Variants in RDX observed in about 807,000 individuals in gnomAD.
RDX encodes radixin, also known as deafness, autosomal recessive 24.
Under a neutral mutation model 83.7 loss-of-function variants are expected in RDX, and 32 were observed. The observed-to-expected ratio is 0.38, with a 90% CI of 0.29 to 0.51. The LOEUF is 0.51. RDX is among the 20% of genes least tolerant of loss of function. The pLI, the probability that RDX is intolerant of heterozygous loss-of-function variation, is 0.87. For synonymous variants in RDX, 229 were observed against 222.7 expected, an observed-to-expected ratio of 1.03 and a Z score of -0.25; for missense variants, 600 against 689.9, an observed-to-expected ratio of 0.87 and a Z score of 1.46.
intron 14 of RDX, among the ~76,000 whole-genome samples, chr11:110,205,471 G>C (rs1233707587): frequency 2.0e-5 from 2 of 101,124 alleles, no homozygotes; most frequent in Admixed American, 1.8e-4. Flanking sequence ...AAAAGCCAAA[G>C]AGACAAGGTA....
At chr11:110,235,041 C>T (rs548613462) in intron 12 of RDX, among the ~76,000 whole-genome samples, 1 of 152,078 alleles carries the variant, frequency 6.6e-6, no homozygotes, top group Non-Finnish European at 1.5e-5. Flanking sequence ...GTTTCATCTA[C>T]TTAGGACTCA....
chr11:110,244,102 A>T (rs904875876), intron 10 of RDX, among the ~76,000 whole-genome samples: 9 of 152,180 alleles, frequency 5.9e-5, no homozygotes, highest in Non-Finnish European at 1.2e-4. Context: ...TGGAAACAAT[A>T]AAAAACATCA....
rs189575828 is a variant in RDX, at chr11:110,224,227, A to C, written c.1748+7646T>G. Among the ~76,000 whole-genome samples, 66 of 151,824 alleles carry C rather than the reference A, an allele frequency of 4.3e-4. No individual in the cohort carries two copies. In the East Asian group the frequency reaches 0.011, roughly 26 times the overall value. On this transcript the variant is annotated intron_variant, in intron 14 of 15. Transcript: ENST00000528498. ...ACTGTTTATATATATATATTAAAAA[A>C]AAAAAACAAAAAAACAAAACCCTTC...
chr11:110,205,225 T>C (rs1299847393), intron 14 of RDX, among the ~76,000 whole-genome samples: 1 of 152,004 alleles, frequency 6.6e-6, no homozygotes, highest in African/African-American at 2.4e-5. Context: ...CTTCATACCA[T>C]GCACAAAAGT....
At chr11:110,198,923 C>A (rs1349493649) in intron 15 of RDX, among the ~76,000 whole-genome samples, 2 of 151,444 alleles carry the variant, frequency 1.3e-5, no homozygotes, top group African/African-American at 2.4e-5. Context: ...TCAAGCAATT[C>A]TTCTGCCTTA....
chr11:110,234,616 A>G (rs1003475036), intron 12 of RDX, among the ~76,000 whole-genome samples: 4 of 152,194 alleles, frequency 2.6e-5, no homozygotes, highest in African/African-American at 9.6e-5. Flanking sequence ...CACAGACTTG[A>G]TATCTGTAAT....
Position 110,237,672 on chromosome 11 carries a change from C to T in RDX, c.1091-20G>A, listed in dbSNP as rs756116209. 19 of 1,611,538 alleles carry T rather than the reference C, an allele frequency of 1.2e-5. No homozygotes were observed. In the Admixed American group the frequency reaches 2.5e-4, roughly 21 times the overall value. On this transcript the variant is annotated intron_variant, in intron 10 of 13. Coordinates refer to ENST00000645495, the MANE Select transcript of RDX (RefSeq NM_002906.4). ...CTAGTTCTATGAAATATGTGTATTCCCCCCAACAGTGATTAATTCCAATCA... is the reference window on the plus strand; with the variant it reads ...CTAGTTCTATGAAATATGTGTATTCTCCCCAACAGTGATTAATTCCAATCA...
chr11:110,203,630 A>G (rs976558897), intron 14 of RDX, among the ~76,000 whole-genome samples: 2 of 151,080 alleles, frequency 1.3e-5, no homozygotes, highest in African/African-American at 4.8e-5. Context: ...AAAATATCTC[A>G]TGTCCCCCAT....
At chr11:110,215,828 G>A (rs1864032486) in intron 14 of RDX, among the ~76,000 whole-genome samples, 1 of 152,070 alleles carries the variant, frequency 6.6e-6, no homozygotes, top group Admixed American at 6.6e-5. Flanking sequence ...GTTGTCCTTC[G>A]GCAGGTTACC....
At chr11:110,261,097 C>A (rs552075884) in intron 5 of RDX, among the ~76,000 whole-genome samples, 1 of 152,272 alleles carries the variant, frequency 6.6e-6, no homozygotes, top group Non-Finnish European at 1.5e-5. Context: ...TCACTGATTA[C>A]TCCCAAAACT....
intron 14 of RDX, among the ~76,000 whole-genome samples, chr11:110,209,876 C>A (rs536903644): frequency 0.017 from 2,519 of 148,518 alleles, 92 homozygotes; most frequent in African/African-American, 0.056. Context: ...GATAAAACCG[C>A]AAAGATGGGG....
At chr11:110,217,858 G>A (rs1864111164) in intron 14 of RDX, among the ~76,000 whole-genome samples, 1 of 99,994 alleles carries the variant, frequency 1.0e-5, no homozygotes, top group Non-Finnish European at 2.7e-5. Context: ...AGTGCCTCTT[G>A]TTACTCGTCT....
At chr11:110,207,643 G>A (rs191365595) in intron 14 of RDX, among the ~76,000 whole-genome samples, 15 of 152,000 alleles carry the variant, frequency 9.9e-5, no homozygotes, top group Middle Eastern at 3.4e-3. Context: ...CAAATCAGAG[G>A]AAGAATATTT....
intron 1 of RDX, among the ~76,000 whole-genome samples, chr11:110,289,979 A>AAAAAAAAACAAAC (rs1555049799): frequency 6.9e-6 from 1 of 144,620 alleles, no homozygotes; most frequent in African/African-American, 2.7e-5. Flanking sequence ...AAAAAAAAAA[A>AAAAAAAAACAAAC]AAACAAGGGT....
chr11:110,236,016 T>A (rs1468998746), intron 12 of RDX, 83 bp downstream of exon 12: 3 of 947,342 alleles, frequency 3.2e-6, no homozygotes, highest in South Asian at 1.3e-5. Flanking sequence ...TATGACAGTA[T>A]CTTACACTTA....
At chr11:110,192,214 G>T (rs1389466796) in intron 15 of RDX, among the ~76,000 whole-genome samples, 1 of 152,112 alleles carries the variant, frequency 6.6e-6, no homozygotes, top group Non-Finnish European at 1.5e-5. Context: ...ACACAGTAGA[G>T]AACCCAGAAA....
rs1337695379 is a variant in RDX at position 110,259,124 on chromosome 11, G to A, written c.468-935C>T. On this transcript the variant is annotated intron_variant, in intron 5 of 13. Coordinates refer to ENST00000645495, the MANE Select transcript of RDX (RefSeq NM_002906.4). Reference sequence around the variant, plus strand: ...GTGTTTTTTTGGTATTTTTAGTAGAGACGGGGTTTCGCCATGTTGGCCAGG... The same window carrying A: ...GTGTTTTTTTGGTATTTTTAGTAGAAACGGGGTTTCGCCATGTTGGCCAGG... Among the ~76,000 whole-genome samples, 4 of 152,020 alleles carry A rather than the reference G, an allele frequency of 2.6e-5. No individual in the cohort carries two copies. In the East Asian group the frequency reaches 7.7e-4, roughly 29 times the overall value.
At chr11:110,223,952 G>A (rs1279004069) in intron 14 of RDX, among the ~76,000 whole-genome samples, 1 of 151,988 alleles carries the variant, frequency 6.6e-6, no homozygotes, top group Non-Finnish European at 1.5e-5. Context: ...TTGAACCCAG[G>A]AGGCCGAGGT....
chr11:110,193,371 G>A (rs1003606998), intron 15 of RDX, among the ~76,000 whole-genome samples: 4 of 152,094 alleles, frequency 2.6e-5, no homozygotes, highest in African/African-American at 4.8e-5. Context: ...CACTAGAGAC[G>A]GGAGAGAGGG....
Sources: gnomAD v4.1 joint callset for allele counts (sites outside exome capture counted in the v4.1 genomes callset) on GRCh38, gnomAD v4.1.1 for gene constraint, MANE v1.5 for transcripts, NCBI Gene and HGNC (gene_info 2026-07-23, HGNC 2026-07-21) for gene names.